Variants in COL4A6 observed in about 807,000 individuals in gnomAD.
The protein encoded by COL4A6 is collagen type IV alpha 6 chain.
Under a neutral mutation model 126.7 loss-of-function variants are expected in COL4A6, and 59 were observed. The ratio of observed to expected loss-of-function variants is 0.47; its 90% CI spans 0.38 to 0.58. COL4A6 has a LOEUF of 0.58. Among genes scored for constraint, COL4A6 ranks in the 20% least tolerant of loss-of-function variants. COL4A6 has a pLI of 0.00. For synonymous variants in COL4A6, 547 were observed against 496.6 expected, an observed-to-expected ratio of 1.10 and a Z score of -1.35; for missense variants, 1,285 against 1,337.3, an observed-to-expected ratio of 0.96 and a Z score of 0.61.
At position 108,160,504 on chromosome X, in the gene COL4A6, A is replaced by G; in HGVS notation, c.4484T>C (p.Leu1495Pro). 8.3e-7 allele frequency: 1 copy of G among 1,209,249 alleles called. No homozygotes were observed. Among genetic ancestry groups the G allele is most frequent in the East Asian group, 3.0e-5 (1 of 33,685 alleles). Residue 1495 changes from leucine to proline, a missense_variant, in exon 43 of 45, where the codon CTG becomes CCG. Transcript: ENST00000334504. ...MSQLWVGYSL[L>P]FVEGQEKAHN... ...GGCTTTCTCTTGCCCCTCCACAAACAGTAAGCTGTACCCCACCCACAGCTG... is the reference window on the plus strand; with the variant it reads ...GGCTTTCTCTTGCCCCTCCACAAACGGTAAGCTGTACCCCACCCACAGCTG...
intron 14 of COL4A6, 105 bp downstream of exon 14, chrX:108,196,406 G>C (rs1176121028): frequency 2.4e-5 from 17 of 698,229 alleles, no homozygotes; most frequent in Non-Finnish European, 3.1e-5. Flanking sequence ...GGAGAAACGA[G>C]AAGCTTAGGT....
chrX:108,276,321 C>T (rs1029783558), intron 3 of COL4A6, among the ~76,000 whole-genome samples: 25 of 112,838 alleles, frequency 2.2e-4, no homozygotes, highest in African/African-American at 7.7e-4. Context: ...ATCCCACCAA[C>T]TGACATGAAA....
chrX:108,412,579 C>A (rs1395711179), intron 2 of COL4A6, among the ~76,000 whole-genome samples: 1 of 111,829 alleles, frequency 8.9e-6, no homozygotes, highest in Non-Finnish European at 1.9e-5. Context: ...AGCTAGCACT[C>A]CACTCTACTG....
At position 108,206,556 on chromosome X, in the gene COL4A6, G is replaced by A; in HGVS notation, c.571C>T (p.Pro191Ser). Reference sequence around the variant, plus strand: ...GGTCCTGCAGGTCCTACAGCTCCAGGAAATCCGGGTGCTCCTTGTGGGCCC... The same window carrying A: ...GGTCCTGCAGGTCCTACAGCTCCAGAAAATCCGGGTGCTCCTTGTGGGCCC... Reference protein sequence around the residue: ...ITGPQGAPGFPGAVGPAGPPG... With the variant: ...ITGPQGAPGFSGAVGPAGPPG... The change falls in exon 9 of 45, where the codon CCT becomes TCT. Residue 191 changes from proline (P) to serine (S), a missense_variant. Pro to Ser is a moderately conservative substitution (Grantham distance 74, BLOSUM62 -1). Coordinates refer to ENST00000334504, the MANE Select transcript of COL4A6 (RefSeq NM_033641.4). 3.3e-6 allele frequency: 4 copies of A among 1,210,400 alleles called. No homozygotes were observed. The Middle Eastern group carries it at 6.9e-4, about 209-fold the overall frequency.
At chrX:108,436,024 A>C (rs1419394215) in intron 2 of COL4A6, among the ~76,000 whole-genome samples, 1 of 111,919 alleles carries the variant, frequency 8.9e-6, no homozygotes, top group African/African-American at 3.2e-5. Flanking sequence ...AGAGTGTAAA[A>C]GAAAAACAAA....
At position 108,174,450 on chromosome X, in the gene COL4A6, G is replaced by T. The variant is rs2148097281; in HGVS notation, c.3128C>A (p.Pro1043Gln). The T allele has an allele frequency of 8.3e-7, 1 of 1,210,785 alleles. No individual in the cohort carries two copies. Among genetic ancestry groups the T allele is most frequent in the Non-Finnish European group, 1.1e-6 (1 of 895,047 alleles). Residue 1043 changes from proline (P) to glutamine (Q), a missense_variant, in exon 31 of 45, where the codon CCA becomes CAA. Transcript: ENST00000334504. Reference sequence around the variant, plus strand: ...TCTGGTCACACTTACACTTTCTCCTGGCATTCCTGGGAAACCTGTGATCCC... The same window carrying T: ...TCTGGTCACACTTACACTTTCTCCTTGCATTCCTGGGAAACCTGTGATCCC... ...SSGITGFPGM[P>Q]GESGSQGIRG...
Position 108,404,201 on chromosome X carries a change from A to G in COL4A6, c.63+33741T>C, listed in dbSNP as rs180988384. Among the ~76,000 whole-genome samples, 87 of 112,259 alleles carry G rather than the reference A, an allele frequency of 7.7e-4. 1 individual carries two copies. Among genetic ancestry groups the G allele is most frequent in the African/African-American group, 2.1e-3 (65 of 30,994 alleles). On this transcript the variant is annotated intron_variant, in intron 2 of 44. Coordinates refer to ENST00000334504, the MANE Select transcript of COL4A6 (RefSeq NM_033641.4). ...GTGTTCTGTTATAGTAGTGCAACAC[A>G]GACTAAGACATATTATTTTAGTAAA...
chrX:108,280,867 C>T (rs1182581058), intron 3 of COL4A6, among the ~76,000 whole-genome samples: 6 of 111,714 alleles, frequency 5.4e-5, no homozygotes, highest in South Asian at 7.5e-4. Context: ...TGTAATCCAG[C>T]ATATAAACAG....
chrX:108,194,573 G>A lies in COL4A6; in HGVS notation c.963C>T (p.Thr321=). ...GPPGQQGKKG[T]LGFPGLNGFQ... is the part of the protein sequence containing the mutation. Reference sequence around the variant, plus strand: ...ATCCATTAAGCCCAGGAAATCCCAGGGTCCCTTTCTTGCCCTGTGACAGAA... The same window carrying A: ...ATCCATTAAGCCCAGGAAATCCCAGAGTCCCTTTCTTGCCCTGTGACAGAA... The change falls in exon 16 of 45, where the codon ACC becomes ACT. Residue 321 remains threonine (T), a synonymous_variant. Coordinates refer to ENST00000334504, the MANE Select transcript of COL4A6 (RefSeq NM_033641.4). 8.3e-7 allele frequency: 1 copy of A among 1,210,180 alleles called. No individual in the cohort carries two copies. Among genetic ancestry groups the A allele is most frequent in the Non-Finnish European group, 1.1e-6 (1 of 894,598 alleles).
chrX:108,190,527 A>C, intron 19 of COL4A6, 31 bp from the exon 20 acceptor site: 1 of 991,799 alleles, frequency 1.0e-6, no homozygotes, highest in Non-Finnish European at 1.4e-6. Flanking sequence ...AAGGATTAGC[A>C]ACTTGTATAA....
At chrX:108,336,692 A>T (rs2039439209) in intron 2 of COL4A6, among the ~76,000 whole-genome samples, 1 of 111,489 alleles carries the variant, frequency 9.0e-6, no homozygotes, top group Admixed American at 9.5e-5. Flanking sequence ...TTGATTAATC[A>T]ATCCATTGGT....
At chrX:108,377,256 C>T (rs1378632426) in intron 2 of COL4A6, among the ~76,000 whole-genome samples, 1 of 112,381 alleles carries the variant, frequency 8.9e-6, no homozygotes, top group African/African-American at 3.2e-5. Flanking sequence ...ACCTCCAGCC[C>T]TAAGGCGGTT....
intron 2 of COL4A6, among the ~76,000 whole-genome samples, chrX:108,401,597 T>A (rs939239322): frequency 1.8e-5 from 2 of 111,154 alleles, no homozygotes; most frequent in African/African-American, 6.5e-5. Context: ...TATGGGTGGG[T>A]ACTCTTACTT....
Position 108,194,602 on chromosome X carries a change from T to G in COL4A6, c.949-15A>C, listed in dbSNP as rs1357961136. 8.3e-7 allele frequency: 1 copy of G among 1,198,748 alleles called. No individual in the cohort carries two copies. The highest frequency in any genetic ancestry group is 1.1e-6 in the Non-Finnish European group (1 of 885,880). On this transcript the variant is annotated splice_polypyrimidine_tract_variant and intron_variant, in intron 15 of 44. Coordinates refer to ENST00000334504, the MANE Select transcript of COL4A6 (RefSeq NM_033641.4). Reference sequence around the variant, plus strand: ...CCTTTCTTGCCCTGTGACAGAAACATAGTTACCACTAAGTGGAAAGTATGA... The same window carrying G: ...CCTTTCTTGCCCTGTGACAGAAACAGAGTTACCACTAAGTGGAAAGTATGA...
chrX:108,352,060 G>A (rs1343089583), intron 2 of COL4A6, among the ~76,000 whole-genome samples: 1 of 112,650 alleles, frequency 8.9e-6, no homozygotes, highest in African/African-American at 3.2e-5. Context: ...CAGGAATCTT[G>A]GTCAGAATAC....
At chrX:108,433,138 T>G (rs2064203377) in intron 2 of COL4A6, among the ~76,000 whole-genome samples, 1 of 111,911 alleles carries the variant, frequency 8.9e-6, no homozygotes, top group South Asian at 3.8e-4. Flanking sequence ...TTAAAGTAAA[T>G]GAAGTGATTT....
chrX:108,188,544 C>T lies in COL4A6; in HGVS notation c.1560G>A (p.Gly520=). The T allele has an allele frequency of 8.6e-7, 1 of 1,166,494 alleles. No homozygotes were observed. Among genetic ancestry groups the T allele is most frequent in the Non-Finnish European group, 1.1e-6 (1 of 872,990 alleles). Residue 520 remains glycine, a synonymous_variant, in exon 21 of 45, where the codon GGG becomes GGA. Transcript: ENST00000334504. ...GAGCCCCTGCTGGGCCCTGTGCACC[C>T]CCAGAGCCTCGATCTCCTCTGGCTC... ...LKGARGDRGS[G]GAQGPAGAPG...
intron 44 of COL4A6, 120 bp downstream of exon 44, chrX:108,159,342 G>A: frequency 1.2e-6 from 1 of 864,320 alleles, no homozygotes; most frequent in Admixed American, 3.2e-5. Flanking sequence ...GCCAAGCCCA[G>A]TCCAAGCATT....
chrX:108,309,410 G>A (rs1430270474), intron 3 of COL4A6, among the ~76,000 whole-genome samples: 2 of 110,764 alleles, frequency 1.8e-5, no homozygotes, highest in Admixed American at 1.9e-4. Context: ...TTTCTTCTGC[G>A]TCTGTTTCCT....
Sources: allele counts gnomAD v4.1 joint callset (sites outside exome capture counted in the v4.1 genomes callset), GRCh38; gene constraint gnomAD v4.1.1; transcripts MANE v1.5; gene names NCBI Gene and HGNC (gene_info 2026-07-23, HGNC 2026-07-21).